Variants in KBTBD11 observed in about 807,000 individuals in gnomAD.
The protein encoded by KBTBD11 is kelch repeat and BTB domain containing 11.
For missense variants in KBTBD11, 1,390 were observed against 1,001.8 expected (o/e 1.39, Z -5.23); for synonymous variants, 747 against 499.0 (o/e 1.50, Z -6.63).
intron 1 of KBTBD11, among the ~76,000 whole-genome samples, chr8:1,988,956 G>C (rs181942059): frequency 6.6e-6 from 1 of 152,172 alleles, no homozygotes; most frequent in African/African-American, 2.4e-5. Context: ...TCTCATTTCC[G>C]ATTCCAGCTG....
chr8:1,993,922 TACACACAC>T (rs57317862), intron 1 of KBTBD11, among the ~76,000 whole-genome samples: 131 of 139,766 alleles, frequency 9.4e-4, no homozygotes, highest in South Asian at 2.0e-3. Context: ...CAATACCCCC[TACACACAC>T]ACACACACAC....
Position 1,973,903 on chromosome 8 carries a change from C to T in KBTBD11, c.-941C>T. On this transcript the variant is annotated 5_prime_UTR_variant, in exon 1 of 2. Coordinates refer to ENST00000320248, the MANE Select transcript of KBTBD11 (RefSeq NM_014867.3). ...AGCCCACCCGCCTGGCTGCGCGTCC[C>T]GGGCCCGGCGGCTGAAGAGGAGCCG... 5 of 982,738 alleles carry T rather than the reference C, an allele frequency of 5.1e-6. No individual in the cohort carries two copies. The South Asian group carries it at 1.4e-4, about 28-fold the overall frequency. The allele number at this position is 982,738 out of a possible 1,614,324, so 60.9% of individuals were successfully genotyped here.
intron 1 of KBTBD11, among the ~76,000 whole-genome samples, chr8:1,994,651 A>G (rs1817064203): frequency 6.6e-6 from 1 of 152,220 alleles, no homozygotes; most frequent in Non-Finnish European, 1.5e-5. Context: ...TGTAGCACAC[A>G]CCAGAACAGT....
chr8:2,001,626 A>G lies in KBTBD11; in HGVS notation c.434A>G (p.Glu145Gly). The G allele has an allele frequency of 6.8e-7, 1 of 1,479,168 alleles. No homozygotes were observed. Among genetic ancestry groups the G allele is most frequent in the Admixed American group, 2.2e-5 (1 of 44,566 alleles). 91.6% of individuals were successfully genotyped at this position (1,479,168 alleles called of 1,614,324 possible). The change falls in exon 2 of 2, where the codon GAG (glutamate) becomes GGG (glycine). Residue 145 changes from glutamate to glycine, a missense_variant. Coordinates refer to ENST00000320248, the MANE Select transcript of KBTBD11 (RefSeq NM_014867.3). ...AVYGEPDLVL[E>G]VSGRRLRAHK... ...TACGGGGAGCCGGACCTGGTGCTGG[A>G]GGTGTCGGGGCGCCGGCTGCGCGCG...
chr8:2,002,461 C>T lies in KBTBD11; in HGVS notation c.1269C>T (p.Leu423=), dbSNP rs1269462695. 3 of 1,509,484 alleles carry T rather than the reference C, an allele frequency of 2.0e-6. No homozygotes were observed. Among genetic ancestry groups the T allele is most frequent in the East Asian group, 5.2e-5 (2 of 38,198 alleles). 93.5% of individuals were successfully genotyped at this position (1,509,484 alleles called of 1,614,324 possible). ...HLYAVGGECL[L]SVERYDPRAD... ...ACGCCGTGGGCGGCGAGTGCCTGCTCAGCGTGGAGCGCTACGACCCGCGCG... is the reference window on the plus strand; with the variant it reads ...ACGCCGTGGGCGGCGAGTGCCTGCTTAGCGTGGAGCGCTACGACCCGCGCG... Residue 423 remains leucine (L), a synonymous_variant, in exon 2 of 2, where the codon CTC becomes CTT. Coordinates refer to ENST00000320248, the MANE Select transcript of KBTBD11 (RefSeq NM_014867.3). The surrounding 1 kb of genome is among the most constrained non-coding windows in gnomAD (Gnocchi z 4.1).
chr8:1,987,623 C>T (rs1387981690), intron 1 of KBTBD11, among the ~76,000 whole-genome samples: 2 of 152,154 alleles, frequency 1.3e-5, no homozygotes, highest in African/African-American at 4.8e-5. Context: ...TCCGGCTGCT[C>T]TCCTGCTCCT....
intron 1 of KBTBD11, among the ~76,000 whole-genome samples, chr8:1,982,965 A>G (rs1352832758): frequency 2.0e-5 from 3 of 152,110 alleles, no homozygotes; most frequent in Non-Finnish European, 2.9e-5. Flanking sequence ...ACCTCAAGTG[A>G]TCTACTCACC....
At chr8:1,982,343 A>C (rs1816565249) in intron 1 of KBTBD11, among the ~76,000 whole-genome samples, 2 of 152,216 alleles carry the variant, frequency 1.3e-5, no homozygotes, top group Non-Finnish European at 2.9e-5. Context: ...AGAAAGGAAC[A>C]AAAGACCTAC....
Position 2,002,712 on chromosome 8 carries a change from T to G in KBTBD11, c.1520T>G (p.Leu507Arg), listed in dbSNP as rs1187505048. 6.5e-7 allele frequency: 1 copy of G among 1,528,522 alleles called. No homozygotes were observed. Among genetic ancestry groups the G allele is most frequent in the Non-Finnish European group, 8.7e-7 (1 of 1,145,934 alleles). The allele number at this position is 1,528,522 out of a possible 1,614,324, so 94.7% of individuals were successfully genotyped here. ...GACGGCTTCATCTACCGCTTCGATC[T>G]GAGCGGCAGCCGCGGCGAGGCGCAG... is the stretch of plus-strand genomic sequence containing the variant. ...ALDGFIYRFD[L>R]SGSRGEAQAA... The change falls in exon 2 of 2, where the codon CTG becomes CGG. Residue 507 changes from leucine (L) to arginine (R), a missense_variant. Transcript: ENST00000320248. This position sits in a 1 kb window ranked among gnomAD's most constrained non-coding sequence, Gnocchi z 4.1.
At chr8:1,987,527 GC>G (rs1042827299) in intron 1 of KBTBD11, among the ~76,000 whole-genome samples, 1 of 152,038 alleles carries the variant, frequency 6.6e-6, no homozygotes, top group Non-Finnish European at 1.5e-5. Context: ...CCCTTGTGCT[GC>G]CCCCACCAGA....
chr8:2,002,694 T>A lies in KBTBD11; in HGVS notation c.1502T>A (p.Phe501Tyr). ...GCCGACATGGTGGCTCTCGACGGCT[T>A]CATCTACCGCTTCGATCTGAGCGGC... ...RSADMVALDGFIYRFDLSGSR... is the reference protein window; with the variant it reads ...RSADMVALDGYIYRFDLSGSR... The change falls in exon 2 of 2, where the codon TTC becomes TAC. Residue 501 changes from phenylalanine to tyrosine, a missense_variant. By Grantham distance (22) the Phe-to-Tyr change is conservative. Transcript: ENST00000320248. The surrounding 1 kb of genome is among the most constrained non-coding windows in gnomAD (Gnocchi z 4.1). The A allele has an allele frequency of 6.4e-7, 1 of 1,554,496 alleles. No individual in the cohort carries two copies. The highest frequency in any genetic ancestry group is 8.6e-7 in the Non-Finnish European group (1 of 1,159,280).
At position 2,002,488 on chromosome 8, in the gene KBTBD11, C is replaced by A. The variant is rs1449049956; in HGVS notation, c.1296C>A (p.Ala432=). ...LLSVERYDPR[A]DRWAPVAPLP... ...GCGTGGAGCGCTACGACCCGCGCGC[C>A]GACCGCTGGGCCCCCGTGGCGCCGC... The change falls in exon 2 of 2, where the codon GCC becomes GCA. Residue 432 remains alanine, a synonymous_variant. Coordinates refer to ENST00000320248, the MANE Select transcript of KBTBD11 (RefSeq NM_014867.3). This position sits in a 1 kb window ranked among gnomAD's most constrained non-coding sequence, Gnocchi z 4.1. The A allele has an allele frequency of 1.3e-6, 2 of 1,508,672 alleles. No homozygotes were observed. Among genetic ancestry groups the A allele is most frequent in the East Asian group, 2.6e-5 (1 of 38,732 alleles). 93.5% of individuals were successfully genotyped at this position (1,508,672 alleles called of 1,614,324 possible).
In KBTBD11 at chr8:2,003,422, C is replaced by T; in HGVS notation, c.*358C>T. On this transcript the variant is annotated 3_prime_UTR_variant, in exon 2 of 2. Transcript: ENST00000320248. ...TCCCGAACCCCGCAGAGCACCGAGG[C>T]TGTGCGCAGGAGCCTGGGACCCTCA... 1 of 217,158 alleles carries T rather than the reference C, an allele frequency of 4.6e-6. No homozygotes were observed. The highest frequency in any genetic ancestry group is 9.8e-6 in the Non-Finnish European group (1 of 101,656). 13.5% of individuals were successfully genotyped at this position (217,158 alleles called of 1,614,324 possible).
At chr8:1,988,302 G>A (rs939213089) in intron 1 of KBTBD11, among the ~76,000 whole-genome samples, 1 of 152,164 alleles carries the variant, frequency 6.6e-6, no homozygotes, top group Admixed American at 6.5e-5. Context: ...CTGAGGAATC[G>A]CCAAACTGTC....
Position 2,004,308 on chromosome 8 carries a change from T to G in KBTBD11, c.*1244T>G, listed in dbSNP as rs1817506663. ...AGTTGGGTCGTTTCTCATTTAACAT[T>G]TTACTTTTCAAGTGTGTATACAGAG... is the stretch of plus-strand genomic sequence containing the variant. On this transcript the variant is annotated 3_prime_UTR_variant, in exon 2 of 2. Coordinates refer to ENST00000320248, the MANE Select transcript of KBTBD11 (RefSeq NM_014867.3). 1 of 166,832 alleles carries G rather than the reference T, an allele frequency of 6.0e-6. No individual in the cohort carries two copies. The highest frequency in any genetic ancestry group is 1.5e-5 in the Non-Finnish European group (1 of 68,120). 10.3% of individuals were successfully genotyped at this position (166,832 alleles called of 1,614,324 possible).
chr8:1,994,061 G>A (rs1452947755), intron 1 of KBTBD11, among the ~76,000 whole-genome samples: 1 of 152,090 alleles, frequency 6.6e-6, no homozygotes, highest in African/African-American at 2.4e-5. Flanking sequence ...GTTGGGAGCA[G>A]ATTGCTCAAT....
chr8:1,990,349 C>A (rs1343449569), intron 1 of KBTBD11, among the ~76,000 whole-genome samples: 3 of 130,264 alleles, frequency 2.3e-5, no homozygotes, highest in Admixed American at 1.7e-4. Flanking sequence ...AGATGCTGGG[C>A]CTTGGCGCCC....
rs1305174626 is a variant in KBTBD11, at chr8:2,002,781, T to C, written c.1589T>C (p.Leu530Pro). 10 of 1,469,778 alleles carry C rather than the reference T, an allele frequency of 6.8e-6. No individual in the cohort carries two copies. Among genetic ancestry groups the C allele is most frequent in the African/African-American group, 5.9e-5 (4 of 67,914 alleles). The allele number at this position is 1,469,778 out of a possible 1,614,324, so 91.0% of individuals were successfully genotyped here. A position where few individuals can be genotyped will look rare whatever the true frequency, so the allele number is the denominator to read the frequency against. The change falls in exon 2 of 2, where the codon CTG becomes CCG. Residue 530 changes from leucine (L) to proline (P), a missense_variant. Coordinates refer to ENST00000320248, the MANE Select transcript of KBTBD11 (RefSeq NM_014867.3). This position sits in a 1 kb window ranked among gnomAD's most constrained non-coding sequence, Gnocchi z 4.1. ...SGVSVSRYHCLAKQWSPCVAP... is the reference protein window; with the variant it reads ...SGVSVSRYHCPAKQWSPCVAP... ...GTCAGCGTGTCCCGATACCACTGCC[T>C]GGCCAAGCAGTGGAGCCCGTGCGTC... is the stretch of plus-strand genomic sequence containing the variant.
In KBTBD11 at chr8:2,002,492, C is replaced by A. The variant is rs1325700187; in HGVS notation, c.1300C>A (p.Arg434Ser). The part of the protein sequence containing the change: ...SVERYDPRAD[R>S]WAPVAPLPRG... ...GGAGCGCTACGACCCGCGCGCCGAC[C>A]GCTGGGCCCCCGTGGCGCCGCTGCC... is the stretch of plus-strand genomic sequence containing the variant. Residue 434 changes from arginine to serine, a missense_variant, in exon 2 of 2, where the codon CGC becomes AGC. Transcript: ENST00000320248. This position sits in a 1 kb window ranked among gnomAD's most constrained non-coding sequence, Gnocchi z 4.1. 1.3e-6 allele frequency: 2 copies of A among 1,509,100 alleles called. No homozygotes were observed. Among genetic ancestry groups the A allele is most frequent in the African/African-American group, 1.4e-5 (1 of 69,592 alleles). The allele number at this position is 1,509,100 out of a possible 1,614,324, so 93.5% of individuals were successfully genotyped here. A position where few individuals can be genotyped will look rare whatever the true frequency, so the allele number is the denominator to read the frequency against.
Sources: gnomAD v4.1 joint callset for allele counts (sites outside exome capture counted in the v4.1 genomes callset) on GRCh38, gnomAD v4.1.1 for gene constraint, Gnocchi (gnomAD v3.1) non-coding constraint, MANE v1.5 for transcripts, NCBI Gene and HGNC (gene_info 2026-07-23, HGNC 2026-07-21) for gene names.